The following VGLL4 variants were observed in gnomAD, a reference collection of about 807,000 sequenced individuals.
The protein encoded by VGLL4 is transcription cofactor vestigial-like protein 4.
In VGLL4, 7 loss-of-function variants were observed where a neutral mutation model predicts 21.0. That is an observed-to-expected ratio of 0.33 (90% confidence interval 0.19 to 0.63). The LOEUF (loss-of-function observed/expected upper bound fraction) is 0.63. Ranked by LOEUF, VGLL4 falls within the 20% of genes least tolerant of loss-of-function variation. VGLL4 has a pLI of 0.78. For synonymous variants in VGLL4, 222 were observed against 173.2 expected (o/e 1.28, Z -2.21); for missense variants, 394 against 425.7 (o/e 0.93, Z 0.66).
chr3:11,608,229 T>C (rs989001419), intron 1 of VGLL4, among the ~76,000 whole-genome samples: 4 of 152,252 alleles, frequency 2.6e-5, no homozygotes, highest in Admixed American at 6.5e-5. Flanking sequence ...CTGTCAGTTT[T>C]ACTTCTTTCA....
chr3:11,678,835 A>G (rs2076330261), intron 2 of VGLL4, among the ~76,000 whole-genome samples: 2 of 152,262 alleles, frequency 1.3e-5, no homozygotes, highest in Non-Finnish European at 2.9e-5. Flanking sequence ...CATGCCCTGC[A>G]TAATGACGTT....
intron 1 of VGLL4, among the ~76,000 whole-genome samples, chr3:11,703,880 A>G (rs1270033503): frequency 6.6e-6 from 1 of 152,236 alleles, no homozygotes; most frequent in African/African-American, 2.4e-5. Flanking sequence ...AGTACCTACT[A>G]CGTATGCACC....
intron 2 of VGLL4, among the ~76,000 whole-genome samples, chr3:11,651,336 C>CAA (rs201737430): frequency 0.029 from 3,168 of 108,188 alleles, 113 homozygotes; most frequent in African/African-American, 0.093. Context: ...GAGTGAGACT[C>CAA]AAAAAAAAAA....
intron 2 of VGLL4, chr3:11,693,135 T>C (rs564787588): frequency 1.4e-5 from 3 of 212,480 alleles, no homozygotes; most frequent in East Asian, 1.5e-4. Context: ...TGTGCCACTA[T>C]ACTCCAGTCT....
intron 2 of VGLL4, among the ~76,000 whole-genome samples, chr3:11,670,775 C>T (rs529800989): frequency 3.9e-5 from 6 of 152,300 alleles, no homozygotes; most frequent in South Asian, 2.1e-4. Flanking sequence ...CAGTGACTCA[C>T]GCCTGCAATC....
At chr3:11,598,945 T>C (rs1253585980) in intron 2 of VGLL4, among the ~76,000 whole-genome samples, 1 of 152,276 alleles carries the variant, frequency 6.6e-6, no homozygotes, top group Non-Finnish European at 1.5e-5. Flanking sequence ...TACACTAGGC[T>C]ATTCCTTTTC....
chr3:11,638,311 C>G (rs13315116), intron 1 of VGLL4, among the ~76,000 whole-genome samples: 4 of 152,046 alleles, frequency 2.6e-5, no homozygotes, highest in African/African-American at 9.7e-5. Flanking sequence ...CAGAAGGAGC[C>G]AAGTGTAGGC....
chr3:11,618,169 A>G (rs1409742570), intron 1 of VGLL4, among the ~76,000 whole-genome samples: 1 of 152,208 alleles, frequency 6.6e-6, no homozygotes, highest in Non-Finnish European at 1.5e-5. Flanking sequence ...AAATAAACCA[A>G]TTCTAAAAAA....
intron 1 of VGLL4, among the ~76,000 whole-genome samples, chr3:11,617,671 C>T (rs1424283112): frequency 2.0e-5 from 3 of 152,202 alleles, no homozygotes; most frequent in Non-Finnish European, 4.4e-5. Context: ...TCAGCTTCTT[C>T]CTAATAACTC....
intron 2 of VGLL4, among the ~76,000 whole-genome samples, chr3:11,571,702 T>C (rs1263716586): frequency 6.6e-6 from 1 of 152,140 alleles, no homozygotes; most frequent in Admixed American, 6.5e-5. Context: ...ACAAAGGTAG[T>C]GTCCCTCTTT....
intron 2 of VGLL4, among the ~76,000 whole-genome samples, chr3:11,575,916 G>A (rs1024999791): frequency 6.6e-6 from 1 of 152,212 alleles, no homozygotes; most frequent in African/African-American, 2.4e-5. Context: ...CGGGACTCAC[G>A]GAAATGCTGG....
rs1374050732 is a variant in VGLL4, at chr3:11,655,246, G to A, written c.64+47725C>T. Among the ~76,000 whole-genome samples, 6 of 152,176 alleles carry A rather than the reference G, an allele frequency of 3.9e-5. No homozygotes were observed. The East Asian group carries it at 1.2e-3, about 29-fold the overall frequency. Reference sequence around the variant, plus strand: ...GTATCGTTTGAAAATAGCTACCCACGTAATTTTTGCAAGCTCCCCTCCCCT... The same window carrying A: ...GTATCGTTTGAAAATAGCTACCCACATAATTTTTGCAAGCTCCCCTCCCCT... On this transcript the variant is annotated intron_variant, in intron 2 of 5. Coordinates refer to the VGLL4 transcript ENST00000273038.
rs768970246 is a variant in VGLL4 at position 11,574,783 on chromosome 3, A to ATGTG, written c.273-9765_273-9764insCACA. ...GTACAATTACTGTCAATTCAACTAT[A>ATGTG]TATGTGTGTGTGTGTGTGTGTGTGT... On this transcript the variant is annotated intron_variant, in intron 2 of 4. Transcript: ENST00000430365. Among the ~76,000 whole-genome samples, 734 of 111,604 alleles carry ATGTG rather than the reference A, an allele frequency of 6.6e-3. 2 individuals carry two copies. The highest frequency in any genetic ancestry group is 0.014 in the South Asian group (43 of 2,978). 73.2% of individuals were successfully genotyped at this position (111,604 alleles called of 152,430 possible).
At chr3:11,567,662 G>C (rs1326194717) in intron 2 of VGLL4, among the ~76,000 whole-genome samples, 1 of 152,216 alleles carries the variant, frequency 6.6e-6, no homozygotes, top group Non-Finnish European at 1.5e-5. Context: ...TATGATCCCA[G>C]ACACCGATGT....
intron 1 of VGLL4, among the ~76,000 whole-genome samples, chr3:11,627,888 G>T (rs1448560364): frequency 6.6e-6 from 1 of 152,174 alleles, no homozygotes; most frequent in South Asian, 2.1e-4. Flanking sequence ...ATTTTAAAAG[G>T]TTAAAGTACA....
intron 3 of VGLL4, among the ~76,000 whole-genome samples, chr3:11,561,224 G>A (rs2072967676): frequency 6.6e-6 from 1 of 152,162 alleles, no homozygotes; most frequent in Non-Finnish European, 1.5e-5. Context: ...TGGGGAACTG[G>A]GGAGACATTT....
intron 2 of VGLL4, among the ~76,000 whole-genome samples, chr3:11,595,828 GA>G (rs1361079514): frequency 2.6e-5 from 1 of 39,096 alleles, no homozygotes; most frequent in Non-Finnish European, 5.5e-5. Context: ...ACACTCTGGG[GA>G]CTGTTGTGGT....
chr3:11,644,255 C>A (rs763841909), upstream of VGLL4, among the ~76,000 whole-genome samples: 2 of 152,136 alleles, frequency 1.3e-5, no homozygotes, highest in Admixed American at 6.5e-5. Flanking sequence ...GTTGGGGTTT[C>A]GGAAACCCAA....
At position 11,643,479 on chromosome 3, in the gene VGLL4, A is replaced by C; in HGVS notation, c.40T>G (p.Leu14Val). Residue 14 changes from leucine to valine, a missense_variant, in exon 1 of 5, where the codon TTG becomes GTG. By Grantham distance (32) the Leu-to-Val change is conservative (BLOSUM62 1). Transcript: ENST00000430365. ...CCGATATTGTTGTTCATCTTGTCCA[A>C]GTACTGATAGTTCAACAGGTCCATC... ...MKMDLLNYQYLDKMNNNIGIL... is the reference protein window; with the variant it reads ...MKMDLLNYQYVDKMNNNIGIL... 2 of 1,614,008 alleles carry C rather than the reference A, an allele frequency of 1.2e-6. No individual in the cohort carries two copies. Among genetic ancestry groups the C allele is most frequent in the Non-Finnish European group, 8.5e-7 (1 of 1,179,902 alleles).
Sources: gnomAD v4.1 joint callset for allele counts (sites outside exome capture counted in the v4.1 genomes callset) on GRCh38, gnomAD v4.1.1 for gene constraint, MANE v1.5 for transcripts, NCBI Gene and HGNC (gene_info 2026-07-23, HGNC 2026-07-21) for gene names.